Variants in LRRC39 observed in about 807,000 individuals in gnomAD.
LRRC39 encodes the protein leucine rich repeat containing 39, also known as leucine-rich repeat-containing protein 39.
LRRC39 carries 35 observed loss-of-function variants against 39.7 expected under a neutral mutation model. That is an observed-to-expected ratio of 0.88 (90% CI 0.67 to 1.17). The LOEUF is 1.17. LRRC39 is among the 50% of genes most tolerant of loss of function. LRRC39 has a pLI of 0.00. For missense variants in LRRC39, 357 were observed against 385.8 expected, an observed-to-expected ratio of 0.93 and a Z score of 0.62; for synonymous variants, 113 against 134.1, an observed-to-expected ratio of 0.84 and a Z score of 1.09.
intron 4 of LRRC39, 74 bp from the exon 5 acceptor site, chr1:100,159,489 A>G (rs1658711628): frequency 1.7e-6 from 2 of 1,211,830 alleles, no homozygotes; most frequent in Non-Finnish European, 2.2e-6. Context: ...GAAATGTGAT[A>G]TTTGACTTAT....
At chr1:100,158,563 G>C (rs1405905497) in intron 5 of LRRC39, among the ~76,000 whole-genome samples, 196 bp from the exon 6 acceptor site, 1 of 151,828 alleles carries the variant, frequency 6.6e-6, no homozygotes, top group Non-Finnish European at 1.5e-5. Flanking sequence ...TCAGCCTCCC[G>C]GTAGCTGGGA....
intron 2 of LRRC39, among the ~76,000 whole-genome samples, chr1:100,169,664 A>G (rs1659466703): frequency 6.6e-6 from 1 of 152,128 alleles, no homozygotes. Flanking sequence ...TCTCCAAAAT[A>G]TATAACTATC....
At chr1:100,167,786 AT>A (rs2101790015) in intron 3 of LRRC39, among the ~76,000 whole-genome samples, 1 of 93,800 alleles carries the variant, frequency 1.1e-5, no homozygotes, top group Non-Finnish European at 2.1e-5. Context: ...AAAAATAATA[AT>A]AATAATAATA....
At chr1:100,153,534 A>G (rs116722323) in intron 8 of LRRC39, among the ~76,000 whole-genome samples, 1,942 of 152,264 alleles carry the variant, frequency 0.013, 50 homozygotes, top group African/African-American at 0.043. Context: ...GAGAAAATAT[A>G]TGTAAATTAT....
chr1:100,151,960 A>G (rs1444660134), intron 9 of LRRC39, among the ~76,000 whole-genome samples: 1 of 152,080 alleles, frequency 6.6e-6, no homozygotes, highest in African/African-American at 2.4e-5. Flanking sequence ...CTTTAAAACA[A>G]ACAAACAAAC....
At chr1:100,164,715 T>A (rs189710101) in intron 3 of LRRC39, among the ~76,000 whole-genome samples, 63 of 152,168 alleles carry the variant, frequency 4.1e-4, no homozygotes, top group African/African-American at 1.3e-3. Flanking sequence ...CTTTTTTTTT[T>A]AAATGAGACA....
At position 100,171,997 on chromosome 1, in the gene LRRC39, G is replaced by A. The variant is rs72973725; in HGVS notation, c.-79+1334C>T. On this transcript the variant is annotated intron_variant, in intron 2 of 9. Coordinates refer to ENST00000370137, the MANE Select transcript of LRRC39 (RefSeq NM_144620.4). ...GCTAAAAAATTTACATCCATCTCAA[G>A]AAGCTAGATAAAACAAACACAAAGA... 3.1e-3 allele frequency among the ~76,000 whole-genome samples: 478 copies of A among 152,126 alleles called. 2 individuals carry two copies. The highest frequency in any genetic ancestry group is 0.011 in the African/African-American group (455 of 41,506).
At chr1:100,170,342 T>A (rs573909220) in intron 2 of LRRC39, among the ~76,000 whole-genome samples, 1 of 152,306 alleles carries the variant, frequency 6.6e-6, no homozygotes, top group Non-Finnish European at 1.5e-5. Context: ...CATGCCACAG[T>A]ATAAATAAAC....
At chr1:100,157,227 C>G (rs907835770) in intron 6 of LRRC39, among the ~76,000 whole-genome samples, 2 of 152,034 alleles carry the variant, frequency 1.3e-5, no homozygotes, top group African/African-American at 4.8e-5. Flanking sequence ...TGGGAGGGAC[C>G]TGGTGGGAGG....
intron 9 of LRRC39, among the ~76,000 whole-genome samples, 196 bp downstream of exon 9, chr1:100,152,189 T>C (rs1360845401): frequency 1.1e-4 from 17 of 152,226 alleles, no homozygotes; most frequent in Non-Finnish European, 2.1e-4. Flanking sequence ...CTTGAAAGAC[T>C]TTGAATATCT....
At chr1:100,154,599 G>T (rs900079824) in intron 8 of LRRC39, among the ~76,000 whole-genome samples, 24 of 152,166 alleles carry the variant, frequency 1.6e-4, no homozygotes, top group East Asian at 7.7e-4. Context: ...ATTTTAATAA[G>T]AAACAAATTC....
Position 100,175,354 on chromosome 1 carries a change from T to G in LRRC39, c.-118-1984A>C, listed in dbSNP as rs547974991. The stretch of plus-strand genomic sequence containing the variant: ...CAGCAAGAACCAGTGTGCCAGTTTT[T>G]TTTTTTTTTTTTTGGTAGTGACAGG... On this transcript the variant is annotated intron_variant, in intron 1 of 9. Transcript: ENST00000370137. 2.4e-3 allele frequency among the ~76,000 whole-genome samples: 365 copies of G among 151,270 alleles called. 1 individual carries two copies. Among genetic ancestry groups the G allele is most frequent in the African/African-American group, 7.9e-3 (327 of 41,336 alleles).
In LRRC39 at chr1:100,148,605, T is replaced by C. The variant is rs1258621274; in HGVS notation, c.*437A>G. 6.3e-7 allele frequency: 1 copy of C among 1,585,276 alleles called. No homozygotes were observed. Among genetic ancestry groups the C allele is most frequent in the Non-Finnish European group, 8.5e-7 (1 of 1,170,552 alleles). On this transcript the variant is annotated 3_prime_UTR_variant, in exon 10 of 10. Transcript: ENST00000370137. The stretch of plus-strand genomic sequence containing the variant: ...TTTGCAAAATTTTAACAATGTTTTG[T>C]GTGTGTTTATTCAATTTAGGCTTCT...
intron 7 of LRRC39, 91 bp downstream of exon 7, chr1:100,156,081 T>C: frequency 8.0e-7 from 1 of 1,243,992 alleles, no homozygotes; most frequent in Admixed American, 2.3e-5. Context: ...TTGTGATTGA[T>C]TATGCTTGAG....
chr1:100,167,771 A>G (rs1330920454), intron 3 of LRRC39, among the ~76,000 whole-genome samples: 1 of 132,182 alleles, frequency 7.6e-6, no homozygotes, highest in East Asian at 2.1e-4. Flanking sequence ...GTGAGTCTCC[A>G]TTTCAAAAAT....
intron 8 of LRRC39, among the ~76,000 whole-genome samples, chr1:100,153,817 G>T (rs984521189): frequency 6.6e-6 from 1 of 151,924 alleles, no homozygotes; most frequent in African/African-American, 2.4e-5. Context: ...GTACAGTGGC[G>T]CAATCTTGGC....
At chr1:100,165,799 TG>T (rs1217447092) in intron 3 of LRRC39, among the ~76,000 whole-genome samples, 2 of 151,864 alleles carry the variant, frequency 1.3e-5, no homozygotes, top group East Asian at 3.8e-4. Context: ...AATTGAATCA[TG>T]GGGGCAGTTT....
In LRRC39 at chr1:100,159,398, C is replaced by CAG; in HGVS notation, c.235_236dup (p.Leu80CysfsTer2). The stretch of plus-strand genomic sequence containing the variant: ...ATTCCTGTAGTTGATTCAGTTTCAG[C>CAG]AGAGAAGAAGGGAGGGTCTACAGTA... On this transcript the variant is annotated frameshift_variant, in exon 5 of 10. Coordinates refer to ENST00000370137, the MANE Select transcript of LRRC39 (RefSeq NM_144620.4). LOFTEE classifies it high-confidence loss of function. 1 of 1,607,720 alleles carries CAG rather than the reference C, an allele frequency of 6.2e-7. No homozygotes were observed. Among genetic ancestry groups the CAG allele is most frequent in the African/African-American group, 1.3e-5 (1 of 74,668 alleles).
intron 3 of LRRC39, among the ~76,000 whole-genome samples, chr1:100,164,345 T>C (rs1473431636): frequency 6.6e-6 from 1 of 152,216 alleles, no homozygotes; most frequent in Non-Finnish European, 1.5e-5. Flanking sequence ...CAAATCTGCT[T>C]CTTTTGTCTA....
Sources: gnomAD v4.1 joint callset for allele counts (sites outside exome capture counted in the v4.1 genomes callset) on GRCh38, gnomAD v4.1.1 for gene constraint, MANE v1.5 for transcripts, NCBI Gene and HGNC (gene_info 2026-07-23, HGNC 2026-07-21) for gene names.